The following DOCK10 variants were observed in gnomAD, a reference collection of about 807,000 sequenced individuals.
DOCK10 encodes the protein dedicator of cytokinesis 10.
DOCK10 carries 145 observed loss-of-function variants against 280.1 expected under a neutral mutation model. The ratio of observed to expected loss-of-function variants is 0.52; its 90% CI spans 0.45 to 0.59. DOCK10 has a LOEUF of 0.59. Ranked by LOEUF, DOCK10 falls within the 20% of genes least tolerant of loss-of-function variation. The probability of loss-of-function intolerance (pLI) is 0.00; values close to 1 mark genes in which losing one functional copy is unlikely to be tolerated. For missense variants in DOCK10, 2,368 were observed against 2,651.7 expected (o/e 0.89, Z 2.35); for synonymous variants, 915 against 942.2 (o/e 0.97, Z 0.53).
chr2:224,883,885 A>T (rs1699116681), intron 7 of DOCK10, among the ~76,000 whole-genome samples: 1 of 152,240 alleles, frequency 6.6e-6, no homozygotes, highest in Admixed American at 6.5e-5. Context: ...AAAGACTACA[A>T]TGGTACTTCT....
chr2:224,904,392 G>C (rs1030140863), intron 3 of DOCK10, among the ~76,000 whole-genome samples: 1 of 152,050 alleles, frequency 6.6e-6, no homozygotes. Flanking sequence ...TTATCTACAT[G>C]AATTTTATTA....
In DOCK10 at chr2:224,807,659, C is replaced by A; in HGVS notation, c.3702+9G>T. 6.7e-7 allele frequency: 1 copy of A among 1,487,746 alleles called. No homozygotes were observed. Among genetic ancestry groups the A allele is most frequent in the South Asian group, 1.2e-5 (1 of 80,432 alleles). The allele number at this position is 1,487,746 out of a possible 1,614,324, so 92.2% of individuals were successfully genotyped here. On this transcript the variant is annotated intron_variant, in intron 33 of 55. Transcript: ENST00000258390. The stretch of plus-strand genomic sequence containing the variant: ...TAACATAGAAATGTGACATATTGTG[C>A]AAACGTACCTGATTAGATGTATTGA...
chr2:224,978,585 T>C (rs1705571183), intron 1 of DOCK10, among the ~76,000 whole-genome samples: 2 of 152,192 alleles, frequency 1.3e-5, no homozygotes, highest in African/African-American at 4.8e-5. Flanking sequence ...TAAACAATTA[T>C]ACATTCAAGT....
At chr2:224,999,457 C>T (rs1023865671) in intron 1 of DOCK10, among the ~76,000 whole-genome samples, 1 of 133,552 alleles carries the variant, frequency 7.5e-6, no homozygotes, top group Non-Finnish European at 1.6e-5. Flanking sequence ...TTCCCTCCCT[C>T]CCTTCCTGCC....
rs892626987 is a variant in DOCK10 at position 224,796,857 on chromosome 2, A to G, written c.4827+107T>C. Reference sequence around the variant, plus strand: ...TGTGGGCGTCTTTAAGGAGGACGCTAGTGGAGGAGTTAGTGACGGCTTGCC... The same window carrying G: ...TGTGGGCGTCTTTAAGGAGGACGCTGGTGGAGGAGTTAGTGACGGCTTGCC... On this transcript the variant is annotated intron_variant, in intron 43 of 55. Coordinates refer to ENST00000258390, the MANE Select transcript of DOCK10 (RefSeq NM_014689.3). 5.7e-5 allele frequency: 55 copies of G among 964,966 alleles called. No individual in the cohort carries two copies. In the East Asian group the frequency reaches 1.3e-3, roughly 22 times the overall value. The allele number at this position is 964,966 out of a possible 1,614,324, so 59.8% of individuals were successfully genotyped here.
At chr2:224,854,868 C>A (rs1697000707) in intron 16 of DOCK10, 95 bp downstream of exon 16, 2 of 858,810 alleles carry the variant, frequency 2.3e-6, no homozygotes, top group Non-Finnish European at 3.5e-6. Context: ...ACCAACCAAC[C>A]AACCAACCAA....
At chr2:224,845,775 G>A (rs1696310599) in intron 19 of DOCK10, 133 bp from the exon 20 acceptor site, 6 of 830,178 alleles carry the variant, frequency 7.2e-6, no homozygotes, top group Non-Finnish European at 1.1e-5. Context: ...CTACGCTGGA[G>A]TGCAATGGCA....
Position 224,765,716 on chromosome 2 carries a change from A to G in DOCK10, c.*5T>C. ...CTTAGAGGTGGGTCTGATGCTGCAG[A>G]GCCCTCAGACTTCAGCACTAGATGA... On this transcript the variant is annotated 3_prime_UTR_variant, in exon 56 of 56. Transcript: ENST00000258390. The G allele has an allele frequency of 6.3e-7, 1 of 1,591,518 alleles. No homozygotes were observed. The highest frequency in any genetic ancestry group is 8.6e-7 in the Non-Finnish European group (1 of 1,160,384).
At chr2:224,893,130 G>A (rs1699796105) in intron 4 of DOCK10, among the ~76,000 whole-genome samples, 2 of 152,122 alleles carry the variant, frequency 1.3e-5, no homozygotes. Context: ...CCCAGTGTGG[G>A]ATGCCTGAGT....
intron 22 of DOCK10, among the ~76,000 whole-genome samples, chr2:224,843,304 A>C (rs1488830511): frequency 6.6e-6 from 1 of 152,174 alleles, no homozygotes; most frequent in Non-Finnish European, 1.5e-5. Context: ...GTGCATGGGT[A>C]GTGAGAGTCG....
chr2:225,018,933 ATATG>A (rs1689706883), intron 1 of DOCK10, among the ~76,000 whole-genome samples: 1 of 121,928 alleles, frequency 8.2e-6, no homozygotes, highest in African/African-American at 3.3e-5. Context: ...ATATAGTTAT[ATATG>A]TGTATATATG....
At chr2:224,976,240 G>A (rs960023540) in intron 1 of DOCK10, among the ~76,000 whole-genome samples, 1 of 152,018 alleles carries the variant, frequency 6.6e-6, no homozygotes, top group South Asian at 2.1e-4. Context: ...GTTGAGGGGT[G>A]GGGGGAAAGG....
chr2:224,885,562 T>C (rs1699227313), intron 7 of DOCK10, 109 bp downstream of exon 7: 3 of 1,120,006 alleles, frequency 2.7e-6, no homozygotes, highest in Non-Finnish European at 3.5e-6. Flanking sequence ...CACAGAATTC[T>C]TAGAATCTAG....
intron 1 of DOCK10, among the ~76,000 whole-genome samples, chr2:225,026,474 T>C (rs1689924810): frequency 6.6e-6 from 1 of 152,166 alleles, no homozygotes; most frequent in South Asian, 2.1e-4. Flanking sequence ...ATCACTAAGG[T>C]CAGGGAGCTG....
chr2:224,906,346 T>G (rs1436276999), intron 3 of DOCK10, among the ~76,000 whole-genome samples: 1 of 152,148 alleles, frequency 6.6e-6, no homozygotes. Context: ...AAACAAATAG[T>G]CTTCTATCTG....
intron 3 of DOCK10, among the ~76,000 whole-genome samples, chr2:224,903,266 C>A (rs1306572520): frequency 1.3e-5 from 2 of 152,150 alleles, no homozygotes; most frequent in East Asian, 3.8e-4. Flanking sequence ...TTAACTGATT[C>A]TGGTTTTTAA....
intron 1 of DOCK10, among the ~76,000 whole-genome samples, chr2:225,009,659 A>G (rs1689381354): frequency 6.6e-6 from 1 of 150,948 alleles, no homozygotes. Flanking sequence ...AAAGAAAGAA[A>G]AAAGAAAACA....
intron 7 of DOCK10, among the ~76,000 whole-genome samples, chr2:224,881,071 T>C (rs1698947484): frequency 6.6e-6 from 1 of 152,128 alleles, no homozygotes; most frequent in African/African-American, 2.4e-5. Flanking sequence ...TGTAATGAAA[T>C]GTCAGTAAGC....
At chr2:224,797,193 T>C in intron 42 of DOCK10, 47 bp from the exon 43 acceptor site, 3 of 1,441,034 alleles carry the variant, frequency 2.1e-6, no homozygotes, top group Non-Finnish European at 2.8e-6. Context: ...GCCTTCATTT[T>C]GCTCTGTTCA....
Sources: gnomAD v4.1 joint callset for allele counts (sites outside exome capture counted in the v4.1 genomes callset) on GRCh38, gnomAD v4.1.1 for gene constraint, MANE v1.5 for transcripts, NCBI Gene and HGNC (gene_info 2026-07-23, HGNC 2026-07-21) for gene names.